TG: variants seen among roughly 807,000 people sequenced by gnomAD.
TG encodes the protein thyroglobulin, also known as thyroid hormones.
A neutral mutation model predicts 324.7 loss-of-function variants in TG; 270 were observed. The ratio of observed to expected loss-of-function variants is 0.83; its 90% CI spans 0.75 to 0.92. The LOEUF (loss-of-function observed/expected upper bound fraction) is 0.92, where lower values mean the gene tolerates loss of function less well. Among genes scored for constraint, TG ranks in the 40% least tolerant of loss-of-function variants. The pLI, the probability that TG is intolerant of heterozygous loss-of-function variation, is 0.00. For synonymous variants in TG, 1,401 were observed against 1,327.0 expected, an observed-to-expected ratio of 1.06 and a Z score of -1.21; for missense variants, 3,591 against 3,456.4, an observed-to-expected ratio of 1.04 and a Z score of -0.98.
At chr8:133,097,607 A>T (rs890964038) in intron 43 of TG, among the ~76,000 whole-genome samples, 5 of 152,190 alleles carry the variant, frequency 3.3e-5, no homozygotes, top group Admixed American at 2.6e-4. Flanking sequence ...TTAAAAACCA[A>T]CCTGTATATA....
intron 35 of TG, among the ~76,000 whole-genome samples, chr8:133,001,059 C>T (rs1160177537): frequency 2.0e-5 from 3 of 152,272 alleles, no homozygotes; most frequent in East Asian, 1.9e-4. Context: ...CCTCTGTGCA[C>T]GTGTCTCTGT....
intron 3 of TG, among the ~76,000 whole-genome samples, chr8:132,870,134 G>A (rs1174779534): frequency 3.9e-5 from 6 of 151,942 alleles, no homozygotes; most frequent in Admixed American, 3.3e-4. Flanking sequence ...AAATATGAGT[G>A]CCTTCTCACC....
At chr8:133,095,691 G>T (rs1339544277) in intron 42 of TG, among the ~76,000 whole-genome samples, 2 of 152,206 alleles carry the variant, frequency 1.3e-5, no homozygotes, top group East Asian at 3.9e-4. Flanking sequence ...CTTGCTTGCA[G>T]ACCAAATCTC....
chr8:132,919,189 G>A (rs533285663), intron 20 of TG, among the ~76,000 whole-genome samples, 187 bp from the exon 21 acceptor site: 4 of 152,202 alleles, frequency 2.6e-5, no homozygotes, highest in African/African-American at 7.2e-5. Context: ...CAGGAAGCTC[G>A]CCTGACTTCT....
chr8:133,108,408 T>A (rs1850003637), intron 43 of TG, among the ~76,000 whole-genome samples: 1 of 152,192 alleles, frequency 6.6e-6, no homozygotes, highest in African/African-American at 2.4e-5. Flanking sequence ...TTCCCTGGCC[T>A]GTCTGAATGG....
At chr8:132,928,456 A>G (rs544805111) in intron 22 of TG, among the ~76,000 whole-genome samples, 5 of 152,290 alleles carry the variant, frequency 3.3e-5, no homozygotes, top group African/African-American at 1.2e-4. Context: ...AAAAAGTTCC[A>G]ACTCTCATAG....
At chr8:132,946,057 C>G (rs1825231088) in intron 26 of TG, among the ~76,000 whole-genome samples, 1 of 151,910 alleles carries the variant, frequency 6.6e-6, no homozygotes, top group African/African-American at 2.4e-5. Context: ...CACACACACA[C>G]ACACACACAC....
intron 35 of TG, chr8:132,988,550 G>C (rs552241503): frequency 4.5e-6 from 1 of 221,788 alleles, no homozygotes; most frequent in East Asian, 1.8e-4. Context: ...AGAGTGTTTT[G>C]GTGGATGACT....
chr8:132,942,017 C>G (rs957180076), intron 26 of TG, among the ~76,000 whole-genome samples: 3 of 152,176 alleles, frequency 2.0e-5, no homozygotes, highest in Non-Finnish European at 4.4e-5. Flanking sequence ...CTATTGAGTG[C>G]CCACTGCATA....
At chr8:133,103,978 G>A (rs1352558900) in intron 43 of TG, among the ~76,000 whole-genome samples, 2 of 152,240 alleles carry the variant, frequency 1.3e-5, no homozygotes, top group African/African-American at 2.4e-5. Context: ...CCATTGCAGA[G>A]GAGGCGATGG....
At chr8:133,100,143 A>G (rs1849023576) in intron 43 of TG, among the ~76,000 whole-genome samples, 1 of 152,182 alleles carries the variant, frequency 6.6e-6, no homozygotes, top group South Asian at 2.1e-4. Context: ...GAGTTTCTCA[A>G]ATAGGCTGAG....
At chr8:133,075,197 G>T in intron 41 of TG, 1 of 859,622 alleles carries the variant, frequency 1.2e-6, no homozygotes, top group East Asian at 1.2e-4. Context: ...CTTAACTCTG[G>T]ATTCTGGAAT....
At chr8:133,038,329 T>C (rs1322784041) in intron 41 of TG, 1 of 603,264 alleles carries the variant, frequency 1.7e-6, no homozygotes. Flanking sequence ...ACAGCCCTGA[T>C]CAGACACCAG....
chr8:133,115,954 T>C (rs896254974), intron 44 of TG, among the ~76,000 whole-genome samples: 1 of 152,174 alleles, frequency 6.6e-6, no homozygotes, highest in Non-Finnish European at 1.5e-5. Context: ...TTTTTTCTTA[T>C]GTGGCTCCCT....
chr8:132,995,614 A>G (rs1157545939), intron 35 of TG: 1 of 772,290 alleles, frequency 1.3e-6, no homozygotes, highest in African/African-American at 1.9e-5. Flanking sequence ...AGAGGAGTTC[A>G]GATGCTCTTA....
intron 9 of TG, 96 bp from the exon 10 acceptor site, chr8:132,887,888 T>C: frequency 8.4e-7 from 1 of 1,192,530 alleles, no homozygotes; most frequent in Non-Finnish European, 1.2e-6. Flanking sequence ...TATATAAGGT[T>C]TTAGACGGAG....
At chr8:133,040,189 G>A (rs1837956360) in intron 41 of TG, 3 of 1,541,514 alleles carry the variant, frequency 1.9e-6, no homozygotes, top group African/African-American at 1.4e-5. Flanking sequence ...CCAGTGTGGG[G>A]TTCAGGCCTG....
chr8:133,117,410 T>C (rs1479296099), intron 45 of TG, among the ~76,000 whole-genome samples: 2 of 152,166 alleles, frequency 1.3e-5, no homozygotes, highest in African/African-American at 4.8e-5. Flanking sequence ...GAAAGAACAA[T>C]GCAAAGAGGG....
intron 45 of TG, among the ~76,000 whole-genome samples, chr8:133,128,331 AGGCG>A (rs1453970661): frequency 4.8e-5 from 5 of 104,076 alleles, no homozygotes; most frequent in Admixed American, 4.2e-4. Flanking sequence ...CTGAAACAAA[AGGCG>A]TGCACACACA....
Sources: gnomAD v4.1 joint callset for allele counts (sites outside exome capture counted in the v4.1 genomes callset) on GRCh38, gnomAD v4.1.1 for gene constraint, MANE v1.5 for transcripts, NCBI Gene and HGNC (gene_info 2026-07-23, HGNC 2026-07-21) for gene names.